The following GLOD4 variants were observed in gnomAD, a reference collection of about 807,000 sequenced individuals.
GLOD4 encodes the protein glyoxalase domain-containing protein 4.
A neutral mutation model predicts 39.1 loss-of-function variants in GLOD4; 44 were observed. The ratio of observed to expected loss-of-function variants is 1.13; its 90% CI spans 0.88 to 1.45. The LOEUF (loss-of-function observed/expected upper bound fraction) is 1.45, where lower values mean the gene tolerates loss of function less well. Among genes scored for constraint, GLOD4 ranks in the 40% most tolerant of loss-of-function variants. The pLI is 0.00. For missense variants in GLOD4, 405 were observed against 366.4 expected, an observed-to-expected ratio of 1.11 and a Z score of -0.86; for synonymous variants, 145 against 135.0, an observed-to-expected ratio of 1.07 and a Z score of -0.52.
At chr17:771,101 C>T (rs1002597863) in intron 5 of GLOD4, 3 of 346,476 alleles carry the variant, frequency 8.7e-6, no homozygotes, top group African/African-American at 4.3e-5. Flanking sequence ...TAAGCAATTC[C>T]ACTTCTGAAG....
At chr17:780,511 T>G (rs1909700606) in intron 1 of GLOD4, 1 of 152,224 alleles carries the variant, frequency 6.6e-6, no homozygotes, top group Non-Finnish European at 1.5e-5. Context: ...CTCATCTACC[T>G]GTGGATATCC....
chr17:769,808 C>G, intron 8 of GLOD4, 61 bp downstream of exon 8: 1 of 997,532 alleles, frequency 1.0e-6, no homozygotes, highest in Non-Finnish European at 1.6e-6. Flanking sequence ...TCTCCTCCCA[C>G]ACACACTTAA....
At chr17:780,287 A>AT (rs972520958) in intron 1 of GLOD4, among the ~76,000 whole-genome samples, 3 of 152,262 alleles carry the variant, frequency 2.0e-5, no homozygotes, top group Non-Finnish European at 4.4e-5. Context: ...GTTTAAGAAC[A>AT]TAAGTGAGCT....
At chr17:782,075 C>T (rs772701502) in intron 1 of GLOD4, 91 bp downstream of exon 1, 4 of 909,204 alleles carry the variant, frequency 4.4e-6, no homozygotes, top group Non-Finnish European at 6.8e-6. Context: ...CTTAGGTTCA[C>T]GACACACCCA....
At chr17:762,903 G>A (rs1392173479) in intron 8 of GLOD4, among the ~76,000 whole-genome samples, 7 of 152,244 alleles carry the variant, frequency 4.6e-5, no homozygotes, top group African/African-American at 1.2e-4. Flanking sequence ...GTGGCTGGGC[G>A]CGGTGGCTCA....
chr17:780,741 C>CAAAAAAAAAAAAAAAAAA (rs71371577), intron 1 of GLOD4: 1 of 59,764 alleles, frequency 1.7e-5, no homozygotes, highest in Non-Finnish European at 3.2e-5. Flanking sequence ...GACTCCACCT[C>CAAAAAAAAAAAAAAAAAA]AAAAAAAAAA....
At chr17:771,842 T>C (rs1907990748) in intron 4 of GLOD4, among the ~76,000 whole-genome samples, 11 of 151,658 alleles carry the variant, frequency 7.3e-5, no homozygotes, top group Admixed American at 7.2e-4. Flanking sequence ...CTGTCTCTAC[T>C]AAAAATAAAA....
intron 8 of GLOD4, among the ~76,000 whole-genome samples, chr17:768,645 GAA>G (rs1907238461): frequency 7.1e-6 from 1 of 140,764 alleles, no homozygotes; most frequent in African/African-American, 2.6e-5. Flanking sequence ...ATTTTTAGAA[GAA>G]GAAATCTGGA....
chr17:774,298 G>A (rs937917083), intron 4 of GLOD4, among the ~76,000 whole-genome samples: 3 of 152,176 alleles, frequency 2.0e-5, no homozygotes, highest in South Asian at 2.1e-4. Flanking sequence ...TGGGGGCATC[G>A]GGGACAGGAG....
intron 4 of GLOD4, among the ~76,000 whole-genome samples, chr17:772,013 CAAAAAAAAA>C (rs67745456): frequency 2.0e-5 from 1 of 50,992 alleles, no homozygotes; most frequent in Non-Finnish European, 3.3e-5. Context: ...AACTCTGTCT[CAAAAAAAAA>C]AAAAAAAAAA....
chr17:770,021 C>T (rs1249128707), intron 7 of GLOD4, 23 bp downstream of exon 7: 1 of 1,556,972 alleles, frequency 6.4e-7, no homozygotes, highest in Admixed American at 1.7e-5. Flanking sequence ...GTCCAGCCTG[C>T]CCCCTGCCTG....
upstream of GLOD4, among the ~76,000 whole-genome samples, chr17:784,744 C>T (rs966283189): frequency 6.6e-6 from 1 of 152,176 alleles, no homozygotes; most frequent in Non-Finnish European, 1.5e-5. Flanking sequence ...CAGAATCCAG[C>T]GACATAAGTA....
rs199643028 is a variant in GLOD4 at position 777,641 on chromosome 17, C to CA, written c.141-654dup. 2.2e-3 allele frequency: 311 copies of CA among 142,486 alleles called. 2 individuals carry two copies. The highest frequency in any genetic ancestry group is 0.013 in the East Asian group (67 of 4,988). 8.8% of individuals were successfully genotyped at this position (142,486 alleles called of 1,614,324 possible). ...TGGGTGACAAAGTGAGATTCTGTCT[C>CA]AAAAAAAAAAAGATACTGGAAAGCC... On this transcript the variant is annotated intron_variant, in intron 2 of 8. Coordinates refer to ENST00000301329, the MANE Select transcript of GLOD4 (RefSeq NM_016080.4).
chr17:767,679 AAC>A (rs1204638805), intron 8 of GLOD4, among the ~76,000 whole-genome samples: 4 of 151,706 alleles, frequency 2.6e-5, no homozygotes, highest in African/African-American at 9.7e-5. Flanking sequence ...GAGAGAGAGA[AAC>A]AGCGCGCATT....
rs1255427430 is a variant in GLOD4 at position 770,495 on chromosome 17, G to GCT, written c.554_555dup (p.Leu186SerfsTer30). 6.4e-7 allele frequency: 1 copy of GCT among 1,553,550 alleles called. No homozygotes were observed. Among genetic ancestry groups the GCT allele is most frequent in the East Asian group, 2.2e-5 (1 of 44,628 alleles). On this transcript the variant is annotated frameshift_variant, in exon 6 of 9. Coordinates refer to ENST00000301329, the MANE Select transcript of GLOD4 (RefSeq NM_016080.4). LOFTEE classifies it high-confidence loss of function. ...TCCACCCCACCCTTGACGCCCTGTA[G>GCT]CTCCAGCTTACACTGAAATAGGAAA...
intron 3 of GLOD4, 49 bp from the exon 4 acceptor site, chr17:775,968 T>C (rs762427534): frequency 1.3e-6 from 2 of 1,550,484 alleles, no homozygotes; most frequent in East Asian, 2.2e-5. Flanking sequence ...ACAGATATTT[T>C]ACAGAACAAG....
intron 8 of GLOD4, among the ~76,000 whole-genome samples, chr17:767,434 T>C (rs765700735): frequency 2.6e-5 from 4 of 152,002 alleles, no homozygotes; most frequent in African/African-American, 4.8e-5. Context: ...GAAGTGAAAA[T>C]GGGAGGCGAG....
intron 1 of GLOD4, among the ~76,000 whole-genome samples, chr17:780,890 T>TA (rs1210701473): frequency 6.6e-6 from 1 of 151,318 alleles, no homozygotes; most frequent in Non-Finnish European, 1.5e-5. Context: ...ATATGTTAAA[T>TA]ACTATACATA....
chr17:779,549 A>G (rs954199149), intron 1 of GLOD4, among the ~76,000 whole-genome samples: 1 of 151,498 alleles, frequency 6.6e-6, no homozygotes, highest in Non-Finnish European at 1.5e-5. Context: ...GAGGTAGGAG[A>G]ATTGCTTGAA....
Sources: allele counts gnomAD v4.1 joint callset (sites outside exome capture counted in the v4.1 genomes callset), GRCh38; gene constraint gnomAD v4.1.1; transcripts MANE v1.5; gene names NCBI Gene and HGNC (gene_info 2026-07-23, HGNC 2026-07-21).